PODXL2: variants seen among roughly 807,000 people sequenced by gnomAD.
PODXL2 encodes the protein podocalyxin-like protein 2.
A neutral mutation model predicts 53.4 loss-of-function variants in PODXL2; 17 were observed. The ratio of observed to expected loss-of-function variants is 0.32; its 90% CI spans 0.22 to 0.48. The LOEUF is 0.48. PODXL2 is among the 20% of genes least tolerant of loss of function. The pLI, the probability that PODXL2 is intolerant of heterozygous loss-of-function variation, is 0.99. For missense variants in PODXL2, 673 were observed against 760.0 expected (o/e 0.89, Z 1.35); for synonymous variants, 311 against 306.7 (o/e 1.01, Z -0.15).
chr3:127,647,755 C>T (rs2074665259), intron 2 of PODXL2, among the ~76,000 whole-genome samples: 1 of 152,242 alleles, frequency 6.6e-6, no homozygotes, highest in Non-Finnish European at 1.5e-5. Context: ...CATCACTCAG[C>T]ACCCCGCAGA....
intron 2 of PODXL2, among the ~76,000 whole-genome samples, chr3:127,648,294 G>A (rs1299111018): frequency 6.6e-6 from 1 of 152,216 alleles, no homozygotes; most frequent in African/African-American, 2.4e-5. Flanking sequence ...GCTGTCTGCT[G>A]GGACCTGGAG....
intron 5 of PODXL2, 123 bp downstream of exon 5, chr3:127,668,720 T>G: frequency 1.0e-6 from 1 of 968,656 alleles, no homozygotes; most frequent in Non-Finnish European, 1.5e-6. Context: ...GACAGTAGTT[T>G]GAGCTACTTA....
Position 127,671,521 on chromosome 3 carries a change from C to G in PODXL2, c.1513C>G (p.Leu505Val). 1.2e-6 allele frequency: 2 copies of G among 1,614,198 alleles called. No homozygotes were observed. Among genetic ancestry groups the G allele is most frequent in the Non-Finnish European group, 1.7e-6 (2 of 1,180,038 alleles). The change falls in exon 7 of 8, where the codon CTG becomes GTG. Residue 505 changes from leucine (L) to valine (V), a missense_variant. By Grantham distance (32) the Leu-to-Val change is conservative (BLOSUM62 1). This residue lies in a region of PODXL2 where 588 missense variants were observed against 668.3 expected (regional missense o/e 0.88). Coordinates refer to ENST00000342480, the MANE Select transcript of PODXL2 (RefSeq NM_015720.4). ...RSDYGTLFVV[L>V]VVIGAICIII... ...CGACTACGGCACGCTCTTCGTGGTG[C>G]TGGTGGTCATTGGGGCCATCTGCAT...
chr3:127,654,974 ACT>A (rs1484535549), intron 2 of PODXL2, among the ~76,000 whole-genome samples: 1 of 151,556 alleles, frequency 6.6e-6, no homozygotes, highest in African/African-American at 2.4e-5. Context: ...ACAGAGTCTC[ACT>A]CTGTCACCCA....
intron 1 of PODXL2, among the ~76,000 whole-genome samples, chr3:127,635,560 G>GTAA (rs1360738692): frequency 6.6e-6 from 1 of 152,164 alleles, no homozygotes; most frequent in Non-Finnish European, 1.5e-5. Flanking sequence ...CTATTTCTGT[G>GTAA]TAATAAATCA....
At position 127,660,609 on chromosome 3, in the gene PODXL2, G is replaced by A. The variant is rs202139708; in HGVS notation, c.581G>A (p.Gly194Glu). 171 of 1,614,086 alleles carry A rather than the reference G, an allele frequency of 1.1e-4. No individual in the cohort carries two copies. Among genetic ancestry groups the A allele is most frequent in the Non-Finnish European group, 1.3e-4 (158 of 1,180,048 alleles). The change falls in exon 3 of 8, where the codon GGA (glycine) becomes GAA (glutamate). Residue 194 changes from glycine to glutamate, a missense_variant. Around this residue, in one of 3 missense-constraint regions of PODXL2, gnomAD observed 588 missense variants for 668.3 expected, o/e 0.88. Transcript: ENST00000342480. ...GAGGAGGAGCTGCTCCCTGTGAATG[G>A]ATCCCAAGAAGAAGCCAAGCCTCAG... is the stretch of plus-strand genomic sequence containing the variant. Reference protein sequence around the residue: ...EEEEELLPVNGSQEEAKPQVR... With the variant: ...EEEEELLPVNESQEEAKPQVR...
Position 127,629,427 on chromosome 3 carries a change from C to T in PODXL2, c.70+138C>T, listed in dbSNP as rs1378333557. ...CGCGTGTCCCGGCCGGGCCGCGGCG[C>T]CGCCCCGACACACGCGCACGAGGAG... On this transcript the variant is annotated intron_variant, in intron 1 of 7. Transcript: ENST00000342480. This position sits in a 1 kb window ranked among gnomAD's most constrained non-coding sequence, Gnocchi z 6.4. The T allele has an allele frequency of 1.5e-6, 1 of 666,726 alleles. No individual in the cohort carries two copies. Among genetic ancestry groups the T allele is most frequent in the East Asian group, 1.4e-4 (1 of 7,398 alleles). 41.3% of individuals were successfully genotyped at this position (666,726 alleles called of 1,614,324 possible). A position where few individuals can be genotyped will look rare whatever the true frequency, so the allele number is the denominator to read the frequency against.
Position 127,633,363 on chromosome 3 carries a change from G to C in PODXL2, c.70+4074G>C, listed in dbSNP as rs959469398. On this transcript the variant is annotated intron_variant, in intron 1 of 7. Transcript: ENST00000342480. ...TGGAGCATCCACAAGATGTTTTTGTGGGGGAGAAACCAGCTAATTTCAGCT... is the reference window on the plus strand; with the variant it reads ...TGGAGCATCCACAAGATGTTTTTGTCGGGGAGAAACCAGCTAATTTCAGCT... Among the ~76,000 whole-genome samples, 92 of 152,324 alleles carry C rather than the reference G, an allele frequency of 6.0e-4. 1 individual carries two copies. Among genetic ancestry groups the C allele is most frequent in the Non-Finnish European group, 1.3e-4 (9 of 68,036 alleles).
chr3:127,642,107 T>C (rs1156702251), intron 2 of PODXL2, among the ~76,000 whole-genome samples: 1 of 151,468 alleles, frequency 6.6e-6, no homozygotes, highest in African/African-American at 2.4e-5. Context: ...CTGGCCAACA[T>C]GGTGTAACTC....
At chr3:127,653,008 TCTC>T (rs1261845383) in intron 2 of PODXL2, among the ~76,000 whole-genome samples, 1 of 152,048 alleles carries the variant, frequency 6.6e-6, no homozygotes, top group African/African-American at 2.4e-5. Context: ...CTCTCTTTAC[TCTC>T]CTCATCTTCA....
chr3:127,672,705 T>C lies in PODXL2; in HGVS notation c.*225T>C. 2.3e-6 allele frequency: 1 copy of C among 437,614 alleles called. No homozygotes were observed. Among genetic ancestry groups the C allele is most frequent in the Non-Finnish European group, 4.0e-6 (1 of 252,596 alleles). The allele number at this position is 437,614 out of a possible 1,614,324, so 27.1% of individuals were successfully genotyped here. On this transcript the variant is annotated 3_prime_UTR_variant, in exon 8 of 8. Transcript: ENST00000342480. ...GCCTCAAAGCCCGCCTTGGCCCCGC[T>C]TTCCCGCCCCTGAACCCCGGCCCCG...
At chr3:127,663,736 CCTT>C (rs2107544063) in intron 4 of PODXL2, among the ~76,000 whole-genome samples, 1 of 152,326 alleles carries the variant, frequency 6.6e-6, no homozygotes, top group South Asian at 2.1e-4. Context: ...TCCAGGCTCA[CCTT>C]CCTCCCCCAG....
rs775065413 is a variant in PODXL2 at position 127,672,389 on chromosome 3, C to T, written c.1727C>T (p.Ala576Val). ...CACCCCAGCCTGAACGGCGGCGGGGCCCTCAACGGCCCGGGGAGCTGGGGG... is the reference window on the plus strand; with the variant it reads ...CACCCCAGCCTGAACGGCGGCGGGGTCCTCAACGGCCCGGGGAGCTGGGGG... ...EKHPSLNGGG[A>V]LNGPGSWGAL... Residue 576 changes from alanine (A) to valine (V), a missense_variant, in exon 8 of 8, where the codon GCC (alanine) becomes GTC (valine). This residue lies in a region of PODXL2 where 79 missense variants were observed against 70.5 expected (regional missense o/e 1.12). Coordinates refer to ENST00000342480, the MANE Select transcript of PODXL2 (RefSeq NM_015720.4). The T allele has an allele frequency of 3.9e-6, 6 of 1,544,352 alleles. No homozygotes were observed. The highest frequency in any genetic ancestry group is 2.6e-6 in the Non-Finnish European group (3 of 1,146,086).
chr3:127,668,574 T>C lies in PODXL2; in HGVS notation c.1340T>C (p.Leu447Pro), dbSNP rs751257039. 6.4e-7 allele frequency: 1 copy of C among 1,557,436 alleles called. No homozygotes were observed. Among genetic ancestry groups the C allele is most frequent in the Non-Finnish European group, 8.7e-7 (1 of 1,149,908 alleles). ...SKPSEKEQHL[L>P]MTLVGEQGVV... ...CCCAGCGAGAAGGAGCAGCACCTTCTCATGACACTGGTGGGCGAGCAGGGT... is the reference window on the plus strand; with the variant it reads ...CCCAGCGAGAAGGAGCAGCACCTTCCCATGACACTGGTGGGCGAGCAGGGT... Residue 447 changes from leucine to proline, a missense_variant, in exon 5 of 8, where the codon CTC becomes CCC. Leu to Pro is a moderately conservative substitution (Grantham distance 98). This residue lies in a region of PODXL2 where 588 missense variants were observed against 668.3 expected (regional missense o/e 0.88). Transcript: ENST00000342480.
chr3:127,664,522 G>A (rs1290495666), intron 4 of PODXL2, among the ~76,000 whole-genome samples: 1 of 152,106 alleles, frequency 6.6e-6, no homozygotes, highest in Non-Finnish European at 1.5e-5. Context: ...ATACCCAGAA[G>A]TGGGGTTGCT....
Position 127,643,670 on chromosome 3 carries a change from G to A in PODXL2, c.349+4147G>A, listed in dbSNP as rs367658113. 2.7e-5 allele frequency among the ~76,000 whole-genome samples: 4 copies of A among 150,314 alleles called. No individual in the cohort carries two copies. In the East Asian group the frequency reaches 5.9e-4, roughly 22 times the overall value. On this transcript the variant is annotated intron_variant, in intron 2 of 7. Transcript: ENST00000342480. ...TTTTATTTTTTGGACACAGGGTCTC[G>A]CTTTGTACCTCAGGCTGGAGTGCAG... is the stretch of plus-strand genomic sequence containing the variant.
chr3:127,641,616 C>A (rs571607717), intron 2 of PODXL2, among the ~76,000 whole-genome samples: 4 of 151,812 alleles, frequency 2.6e-5, no homozygotes, highest in Admixed American at 1.3e-4. Flanking sequence ...CAGGTTCAAG[C>A]GGTTGTCCTG....
In PODXL2 at chr3:127,629,308, C is replaced by T. The variant is rs1048938860; in HGVS notation, c.70+19C>T. Reference sequence around the variant, plus strand: ...GTTGGGGGTGAGTGCGCTCCGGGCCCGAGCGCGGGAGGGCGGGCGGCGGCG... The same window carrying T: ...GTTGGGGGTGAGTGCGCTCCGGGCCTGAGCGCGGGAGGGCGGGCGGCGGCG... On this transcript the variant is annotated intron_variant, in intron 1 of 7. Coordinates refer to ENST00000342480, the MANE Select transcript of PODXL2 (RefSeq NM_015720.4). The surrounding 1 kb of genome is among the most constrained non-coding windows in gnomAD (Gnocchi z 6.4). 5 of 1,016,492 alleles carry T rather than the reference C, an allele frequency of 4.9e-6. No homozygotes were observed. Among genetic ancestry groups the T allele is most frequent in the Middle Eastern group, 4.8e-4 (1 of 2,074 alleles). The allele number at this position is 1,016,492 out of a possible 1,614,324, so 63.0% of individuals were successfully genotyped here. A position where few individuals can be genotyped will look rare whatever the true frequency, so the allele number is the denominator to read the frequency against.
At chr3:127,644,946 AC>A (rs1425502962) in intron 2 of PODXL2, among the ~76,000 whole-genome samples, 1 of 152,198 alleles carries the variant, frequency 6.6e-6, no homozygotes, top group African/African-American at 2.4e-5. Flanking sequence ...CCCTCGCCTT[AC>A]GTTTCCTCAG....
Sources: allele counts gnomAD v4.1 joint callset (sites outside exome capture counted in the v4.1 genomes callset), GRCh38; gene constraint gnomAD v4.1.1; regional missense constraint gnomAD v4.1.1; non-coding constraint Gnocchi (gnomAD v3.1); transcripts MANE v1.5; gene names NCBI Gene and HGNC (gene_info 2026-07-23, HGNC 2026-07-21).